Variants in ZIM2 observed in about 807,000 individuals in gnomAD.
ZIM2 encodes the protein zinc finger protein 656.
In ZIM2, 14 loss-of-function variants were observed where a neutral mutation model predicts 38.6. The observed-to-expected ratio is 0.36, with a 90% CI of 0.24 to 0.57. The LOEUF is 0.57. Among genes scored for constraint, ZIM2 ranks in the 20% least tolerant of loss-of-function variants. ZIM2 has a pLI of 0.81. For synonymous variants in ZIM2, 247 were observed against 245.8 expected (o/e 1.00, Z -0.04); for missense variants, 680 against 695.1 (o/e 0.98, Z 0.24).
At chr19:56,818,970 T>G (rs559789032) in intron 7 of ZIM2, among the ~76,000 whole-genome samples, 3 of 152,278 alleles carry the variant, frequency 2.0e-5, no homozygotes, top group South Asian at 4.1e-4. Context: ...AAAAGACTCA[T>G]GAAACAATTA....
rs2060808786 is a variant in ZIM2, at chr19:56,824,332, T to C, written c.-55A>G. 2 of 1,614,156 alleles carry C rather than the reference T, an allele frequency of 1.2e-6. No individual in the cohort carries two copies. Among genetic ancestry groups the C allele is most frequent in the Non-Finnish European group, 1.7e-6 (2 of 1,180,038 alleles). On this transcript the variant is annotated 5_prime_UTR_variant, in exon 4 of 13. Transcript: ENST00000629319. ...GCTTCTCACAGTTCTCCGGCTTTTT[T>C]GCTCGCACCCAAGGCTTGAGCTTTT...
chr19:56,803,005 C>T (rs971965083), intron 9 of ZIM2, among the ~76,000 whole-genome samples: 1 of 152,198 alleles, frequency 6.6e-6, no homozygotes, highest in Non-Finnish European at 1.5e-5. Flanking sequence ...ATCTACTTTT[C>T]CAAGCAGCTG....
chr19:56,821,818 T>A lies in ZIM2; in HGVS notation c.191-64A>T, dbSNP rs1170276750. ...GTCCATCCTGCAGGTCCCAGGTTTG[T>A]CCCACTCAACTATGAAGCCAGCTGG... On this transcript the variant is annotated intron_variant, in intron 6 of 12. Coordinates refer to ENST00000629319, the MANE Select transcript of ZIM2 (RefSeq NM_001387356.1). The A allele has an allele frequency of 1.9e-6, 3 of 1,582,612 alleles. No individual in the cohort carries two copies. The East Asian group carries it at 6.7e-5, about 35-fold the overall frequency.
At chr19:56,821,562 G>A (rs1434631578) in intron 7 of ZIM2, 89 bp downstream of exon 7, 13 of 1,501,774 alleles carry the variant, frequency 8.7e-6, no homozygotes, top group Non-Finnish European at 1.1e-5. Flanking sequence ...ACTCTAGGGG[G>A]CAGATAAACA....
At chr19:56,781,870 A>G in intron 11 of ZIM2, 83 bp downstream of exon 11, 4 of 1,518,012 alleles carry the variant, frequency 2.6e-6, no homozygotes, top group South Asian at 1.3e-5. Context: ...GTGAACCACC[A>G]TTACTGATGA....
chr19:56,793,821 C>CA (rs376140531), intron 9 of ZIM2, among the ~76,000 whole-genome samples: 238 of 142,008 alleles, frequency 1.7e-3, no homozygotes, highest in Middle Eastern at 0.011. Context: ...AAACCAGGCT[C>CA]AAAAAAAAAA....
intron 11 of ZIM2, among the ~76,000 whole-genome samples, chr19:56,780,245 C>CTTTTTTT (rs66492427): frequency 5.4e-5 from 7 of 129,360 alleles, no homozygotes; most frequent in Non-Finnish European, 9.9e-5. Context: ...TTTCTTTTTT[C>CTTTTTTT]TTTTTTTTTT....
intron 6 of ZIM2, 43 bp downstream of exon 6, chr19:56,822,710 T>C: frequency 6.2e-7 from 1 of 1,608,850 alleles, no homozygotes; most frequent in Non-Finnish European, 8.5e-7. Context: ...GCACAGCACA[T>C]GCTCTATATC....
intron 9 of ZIM2, among the ~76,000 whole-genome samples, chr19:56,800,191 C>A (rs1399330383): frequency 6.6e-6 from 1 of 151,410 alleles, no homozygotes; most frequent in Non-Finnish European, 1.5e-5. Context: ...TAAATTTGAC[C>A]TCACAATAGA....
intron 10 of ZIM2, among the ~76,000 whole-genome samples, chr19:56,788,080 G>T (rs890433929): frequency 6.7e-6 from 1 of 150,294 alleles, no homozygotes; most frequent in Non-Finnish European, 1.5e-5. Flanking sequence ...TTTTTTGAAG[G>T]GTTTTTTTTT....
At chr19:56,806,964 T>C (rs1200636462) in intron 9 of ZIM2, among the ~76,000 whole-genome samples, 1 of 152,088 alleles carries the variant, frequency 6.6e-6, no homozygotes, top group Non-Finnish European at 1.5e-5. Flanking sequence ...GTTTATAAAT[T>C]CCCCAGTCTA....
At chr19:56,832,115 CTCTGTT>C (rs1238309343) in intron 2 of ZIM2, among the ~76,000 whole-genome samples, 1 of 152,158 alleles carries the variant, frequency 6.6e-6, no homozygotes, top group African/African-American at 2.4e-5. Flanking sequence ...AATAACAAGT[CTCTGTT>C]TCTTTTTCCA....
At position 56,815,857 on chromosome 19, in the gene ZIM2, G is replaced by A. The variant is rs144221314; in HGVS notation, c.490+1889C>T. ...ATCATTAAGGTCTGAGATATAAATG[G>A]AGGATTCTCCCTTCTCATTAGATTC... On this transcript the variant is annotated intron_variant, in intron 9 of 12. Transcript: ENST00000629319. The A allele has an allele frequency of 2.4e-5, 38 of 1,613,552 alleles. 1 individual carries two copies. Among genetic ancestry groups the A allele is most frequent in the Non-Finnish European group, 3.0e-5 (35 of 1,179,798 alleles).
chr19:56,805,697 C>G (rs1212247463), intron 9 of ZIM2, among the ~76,000 whole-genome samples: 1 of 152,124 alleles, frequency 6.6e-6, no homozygotes, highest in Non-Finnish European at 1.5e-5. Context: ...GAATCTAATT[C>G]ATAGGAAAAT....
chr19:56,826,035 C>T (rs2060995944), intron 3 of ZIM2, among the ~76,000 whole-genome samples: 1 of 152,158 alleles, frequency 6.6e-6, no homozygotes, highest in African/African-American at 2.4e-5. Flanking sequence ...GCAAATGCCT[C>T]GATCCTGAAG....
intron 10 of ZIM2, among the ~76,000 whole-genome samples, chr19:56,788,513 CT>C (rs1338751737): frequency 6.6e-6 from 1 of 152,130 alleles, no homozygotes; most frequent in African/African-American, 2.4e-5. Context: ...GCAGAGAGAT[CT>C]GCTGTTAGTC....
intron 9 of ZIM2, among the ~76,000 whole-genome samples, chr19:56,806,599 A>C (rs1279347645): frequency 2.0e-5 from 3 of 152,190 alleles, no homozygotes; most frequent in African/African-American, 7.2e-5. Context: ...AGAACAGGAG[A>C]ATGTATATTG....
At chr19:56,815,541 C>G (rs776907523) in intron 9 of ZIM2, 2 of 1,614,036 alleles carry the variant, frequency 1.2e-6, no homozygotes, top group Non-Finnish European at 1.7e-6. Context: ...ATTCATAGAG[C>G]ATCCCTCGAG....
At chr19:56,825,463 C>T (rs1189308776) in intron 3 of ZIM2, among the ~76,000 whole-genome samples, 1 of 152,172 alleles carries the variant, frequency 6.6e-6, no homozygotes, top group African/African-American at 2.4e-5. Flanking sequence ...CTTACTGTTT[C>T]TTTACTTAGT....
Sources: gnomAD v4.1 joint callset for allele counts (sites outside exome capture counted in the v4.1 genomes callset) on GRCh38, gnomAD v4.1.1 for gene constraint, MANE v1.5 for transcripts, NCBI Gene and HGNC (gene_info 2026-07-23, HGNC 2026-07-21) for gene names.